The following MSI2 variants were observed in gnomAD, a reference collection of about 807,000 sequenced individuals.
MSI2 encodes the protein RNA-binding protein Musashi homolog 2.
MSI2 carries 17 observed loss-of-function variants against 45.6 expected under a neutral mutation model. The observed-to-expected ratio is 0.37, with a 90% CI of 0.26 to 0.56. The LOEUF (loss-of-function observed/expected upper bound fraction) is 0.56, where lower values mean the gene tolerates loss of function less well. MSI2 is among the 20% of genes least tolerant of loss of function. The pLI is 0.77. For missense variants in MSI2, 293 were observed against 444.2 expected (o/e 0.66, Z 3.06); for synonymous variants, 156 against 158.2 (o/e 0.99, Z 0.11).
In MSI2 at chr17:57,683,847, G is replaced by A. The variant is rs1213484868; in HGVS notation, c.*4330G>A. The A allele has an allele frequency of 2.6e-5, 6 of 232,030 alleles. No homozygotes were observed. Among genetic ancestry groups the A allele is most frequent in the East Asian group, 6.1e-5 (1 of 16,508 alleles). 14.4% of individuals were successfully genotyped at this position (232,030 alleles called of 1,614,324 possible). On this transcript the variant is annotated 3_prime_UTR_variant, in exon 14 of 14. Transcript: ENST00000284073. The surrounding 1 kb of genome is among the most constrained non-coding windows in gnomAD (Gnocchi z 5.2). ...AACTAGCAGACGTCAGCTCAGCCCC[G>A]TCCTGGGCACAGACACTACACAAGG...
intron 6 of MSI2, among the ~76,000 whole-genome samples, chr17:57,467,952 G>A (rs2085359058): frequency 6.7e-6 from 1 of 149,232 alleles, no homozygotes; most frequent in Non-Finnish European, 1.5e-5. Context: ...GCCAGAGCCA[G>A]ATGTGTCCTC....
chr17:57,309,323 T>C (rs1912174795), intron 5 of MSI2, among the ~76,000 whole-genome samples: 1 of 152,200 alleles, frequency 6.6e-6, no homozygotes, highest in African/African-American at 2.4e-5. Context: ...AGCAAGCTTC[T>C]CTTATACTTG....
intron 5 of MSI2, among the ~76,000 whole-genome samples, chr17:57,315,749 C>T (rs1912803797): frequency 6.6e-6 from 1 of 152,172 alleles, no homozygotes; most frequent in South Asian, 2.1e-4. Context: ...CCACAACTTT[C>T]CTTCAATCCT....
At chr17:57,587,675 C>T (rs1050432632) in intron 7 of MSI2, among the ~76,000 whole-genome samples, 2 of 152,174 alleles carry the variant, frequency 1.3e-5, no homozygotes, top group African/African-American at 2.4e-5. Context: ...CGACTCACGC[C>T]GATCTCTGCC....
intron 6 of MSI2, among the ~76,000 whole-genome samples, chr17:57,494,019 G>T (rs921413212): frequency 6.6e-6 from 1 of 152,168 alleles, no homozygotes; most frequent in East Asian, 1.9e-4. Flanking sequence ...TACCCTCGGG[G>T]TTCTGCCTCT....
intron 5 of MSI2, among the ~76,000 whole-genome samples, chr17:57,333,212 G>A (rs1172935494): frequency 6.6e-6 from 1 of 152,010 alleles, no homozygotes; most frequent in Admixed American, 6.6e-5. Flanking sequence ...AGAATTAGAT[G>A]GGTTAGTTAA....
intron 6 of MSI2, among the ~76,000 whole-genome samples, chr17:57,504,311 C>G (rs1415089007): frequency 6.6e-6 from 1 of 152,208 alleles, no homozygotes; most frequent in African/African-American, 2.4e-5. Flanking sequence ...CTCCTCATGC[C>G]TTTCCTTCAG....
At chr17:57,276,326 A>C (rs1440519853) in intron 5 of MSI2, among the ~76,000 whole-genome samples, 1 of 152,170 alleles carries the variant, frequency 6.6e-6, no homozygotes, top group East Asian at 1.9e-4. Flanking sequence ...GATGAAGTAA[A>C]AAGAAAATTG....
chr17:57,542,368 C>A (rs139758247), intron 7 of MSI2, among the ~76,000 whole-genome samples: 23 of 152,112 alleles, frequency 1.5e-4, no homozygotes, highest in African/African-American at 5.6e-4. Flanking sequence ...ACTCTGTGGC[C>A]GACTTTGATT....
intron 5 of MSI2, among the ~76,000 whole-genome samples, chr17:57,308,936 CTG>C (rs1006774717): frequency 4.6e-5 from 7 of 152,284 alleles, no homozygotes; most frequent in African/African-American, 1.7e-4. Context: ...ATGGAGGAAA[CTG>C]AGTTCAGTTA....
At chr17:57,272,440 C>T (rs1282674252) in intron 5 of MSI2, among the ~76,000 whole-genome samples, 2 of 152,160 alleles carry the variant, frequency 1.3e-5, no homozygotes, top group African/African-American at 2.4e-5. Context: ...AAATGAATTC[C>T]AGGGAGAGGG....
chr17:57,262,964 T>C (rs1350116252), intron 5 of MSI2, among the ~76,000 whole-genome samples: 1 of 152,256 alleles, frequency 6.6e-6, no homozygotes, highest in African/African-American at 2.4e-5. Context: ...TTACACTTTT[T>C]AGTTACTATT....
At chr17:57,607,380 A>G (rs1022605266) in intron 8 of MSI2, among the ~76,000 whole-genome samples, 8 of 152,216 alleles carry the variant, frequency 5.3e-5, no homozygotes, top group Admixed American at 2.6e-4. Flanking sequence ...GCCTTTCCCT[A>G]TGGAAGCTGG....
chr17:57,375,304 G>A lies in MSI2; in HGVS notation c.313-26075G>A, dbSNP rs186753749. Among the ~76,000 whole-genome samples, 122 of 152,282 alleles carry A rather than the reference G, an allele frequency of 8.0e-4. No homozygotes were observed. The South Asian group carries it at 0.013, about 16-fold the overall frequency. On this transcript the variant is annotated intron_variant, in intron 5 of 13. Transcript: ENST00000284073. ...TCCCAGGCCTCTAGCTAGTCAAGTAGGTCAGCCGCACTTCCCCCGTGGCTG... is the reference window on the plus strand; with the variant it reads ...TCCCAGGCCTCTAGCTAGTCAAGTAAGTCAGCCGCACTTCCCCCGTGGCTG...
chr17:57,456,524 G>A (rs2085117988), intron 6 of MSI2, among the ~76,000 whole-genome samples: 1 of 152,120 alleles, frequency 6.6e-6, no homozygotes, highest in Non-Finnish European at 1.5e-5. Context: ...GAACCTGGGA[G>A]GCAGAAGTTG....
At chr17:57,424,626 C>G (rs1023936446) in intron 6 of MSI2, among the ~76,000 whole-genome samples, 1 of 152,170 alleles carries the variant, frequency 6.6e-6, no homozygotes, top group African/African-American at 2.4e-5. Flanking sequence ...AGTGTCACAG[C>G]TGCTGGCTCT....
In MSI2 at chr17:57,673,438, G is replaced by A. The variant is rs1244461001; in HGVS notation, c.791-1534G>A. Among the ~76,000 whole-genome samples, 7 of 152,306 alleles carry A rather than the reference G, an allele frequency of 4.6e-5. No individual in the cohort carries two copies. In the East Asian group the frequency reaches 1.4e-3, roughly 29 times the overall value. ...AGAAGGGAGAAGTGATTGTTGCAAG[G>A]AGCAGCCCTCTGGAGCCAAAGATGT... On this transcript the variant is annotated intron_variant, in intron 11 of 13. Coordinates refer to ENST00000284073, the MANE Select transcript of MSI2 (RefSeq NM_138962.4).
chr17:57,288,419 G>T (rs939020501), intron 5 of MSI2, among the ~76,000 whole-genome samples: 4 of 152,174 alleles, frequency 2.6e-5, no homozygotes, highest in African/African-American at 4.8e-5. Flanking sequence ...AAGGTTAGTT[G>T]TACCCTTCTG....
At chr17:57,389,960 A>G (rs1282389119) in intron 5 of MSI2, among the ~76,000 whole-genome samples, 1 of 151,904 alleles carries the variant, frequency 6.6e-6, no homozygotes, top group African/African-American at 2.4e-5. Context: ...TCTGAAGGCC[A>G]GGCATGGTGG....
Sources: gnomAD v4.1 joint callset for allele counts (sites outside exome capture counted in the v4.1 genomes callset) on GRCh38, gnomAD v4.1.1 for gene constraint, Gnocchi (gnomAD v3.1) non-coding constraint, MANE v1.5 for transcripts, NCBI Gene and HGNC (gene_info 2026-07-23, HGNC 2026-07-21) for gene names.